The following PCSK6 variants were observed in gnomAD, a reference collection of about 807,000 sequenced individuals.
PCSK6 encodes the protein paired basic amino acid cleaving enzyme 4.
PCSK6 carries 85 observed loss-of-function variants against 123.3 expected under a neutral mutation model. That is an observed-to-expected ratio of 0.69 (90% CI 0.58 to 0.83). The LOEUF is 0.83. Among genes scored for constraint, PCSK6 ranks in the 40% least tolerant of loss-of-function variants. The pLI is 0.00. For missense variants in PCSK6, 1,191 were observed against 1,282.3 expected, an observed-to-expected ratio of 0.93 and a Z score of 1.09; for synonymous variants, 508 against 516.0, an observed-to-expected ratio of 0.98 and a Z score of 0.21.
chr15:101,431,875 AGT>A (rs1225554975), intron 3 of PCSK6, 113 bp downstream of exon 3: 1 of 774,856 alleles, frequency 1.3e-6, no homozygotes, highest in African/African-American at 1.7e-5. Flanking sequence ...CTCAAGGTGA[AGT>A]GTGTCTGTCT....
Position 101,370,460 on chromosome 15 carries a change from C to A in PCSK6, c.1596G>T (p.Ser532=). The A allele has an allele frequency of 1.3e-6, 2 of 1,550,428 alleles. No homozygotes were observed. The highest frequency in any genetic ancestry group is 8.7e-7 in the Non-Finnish European group (1 of 1,146,220). ...TALTSACAEH[S]DQRVVYLEHV... is the part of the protein sequence containing the mutation. The stretch of plus-strand genomic sequence containing the variant: ...GCTCCAAGTAGACCACCCGCTGGTC[C>A]GAGTGCTCCGCGCAGGCGCTGGTCA... The change falls in exon 12 of 22, where the codon TCG becomes TCT. Residue 532 remains serine, a synonymous_variant. Transcript: ENST00000611716.
chr15:101,457,844 C>G (rs1011175326), intron 1 of PCSK6, among the ~76,000 whole-genome samples: 3 of 152,224 alleles, frequency 2.0e-5, no homozygotes, highest in African/African-American at 4.8e-5. Flanking sequence ...TAAAATGAGC[C>G]TGCGCTATCT....
At chr15:101,461,123 T>C (rs866427171) in intron 1 of PCSK6, among the ~76,000 whole-genome samples, 2 of 151,926 alleles carry the variant, frequency 1.3e-5, no homozygotes, top group South Asian at 4.2e-4. Flanking sequence ...ATGGCACCAC[T>C]GATAAAGAAA....
At chr15:101,405,845 C>T (rs111944715) in intron 6 of PCSK6, among the ~76,000 whole-genome samples, 8 of 152,104 alleles carry the variant, frequency 5.3e-5, no homozygotes, top group South Asian at 2.1e-4. Context: ...CAGGTTCGAG[C>T]GATTCTCCTG....
At chr15:101,366,844 T>C (rs951439553) in intron 12 of PCSK6, among the ~76,000 whole-genome samples, 17 of 152,168 alleles carry the variant, frequency 1.1e-4, no homozygotes, top group African/African-American at 4.1e-4. Flanking sequence ...GAATGAAACT[T>C]CCATGTTTGA....
chr15:101,434,436 A>G (rs1429198309), intron 2 of PCSK6, among the ~76,000 whole-genome samples: 1 of 152,180 alleles, frequency 6.6e-6, no homozygotes, highest in African/African-American at 2.4e-5. Flanking sequence ...CAGCTGGGAG[A>G]TGTGGGAAAG....
intron 6 of PCSK6, among the ~76,000 whole-genome samples, chr15:101,408,958 G>A (rs2042858497): frequency 6.6e-6 from 1 of 152,182 alleles, no homozygotes; most frequent in Admixed American, 6.5e-5. Flanking sequence ...GAATCTGGTC[G>A]CTGCCGTTTA....
chr15:101,366,344 G>C lies in PCSK6; in HGVS notation c.1722-12C>G, dbSNP rs2041389350. The C allele has an allele frequency of 3.7e-6, 6 of 1,608,908 alleles. No homozygotes were observed. The highest frequency in any genetic ancestry group is 5.1e-6 in the Non-Finnish European group (6 of 1,177,598). ...AAAGATCCAGCAACCTGCAATTGGAGGTGTGGTGTCAGAAATGAAGGTGCT... is the reference window on the plus strand; with the variant it reads ...AAAGATCCAGCAACCTGCAATTGGACGTGTGGTGTCAGAAATGAAGGTGCT... On this transcript the variant is annotated splice_polypyrimidine_tract_variant and intron_variant, in intron 12 of 21. Transcript: ENST00000611716.
intron 7 of PCSK6, among the ~76,000 whole-genome samples, chr15:101,394,672 C>T (rs576260823): frequency 7.2e-5 from 11 of 152,306 alleles, no homozygotes; most frequent in East Asian, 1.9e-4. Flanking sequence ...CTGCAATCCC[C>T]GTAGAGCCAA....
intron 1 of PCSK6, among the ~76,000 whole-genome samples, chr15:101,481,381 C>T (rs1381504950): frequency 6.6e-6 from 1 of 150,622 alleles, no homozygotes. Context: ...GAGGGGCGAA[C>T]CTGGTGACGG....
intron 13 of PCSK6, among the ~76,000 whole-genome samples, chr15:101,354,375 A>G (rs2040981648): frequency 6.6e-6 from 1 of 152,110 alleles, no homozygotes; most frequent in African/African-American, 2.4e-5. Flanking sequence ...CCAAGCACAC[A>G]CTCCCATACA....
intron 6 of PCSK6, among the ~76,000 whole-genome samples, chr15:101,417,498 C>T (rs769949399): frequency 1.3e-5 from 2 of 152,108 alleles, no homozygotes; most frequent in Admixed American, 6.5e-5. Context: ...AGAAAATCTA[C>T]GCAGTTGAAA....
intron 19 of PCSK6, chr15:101,313,797 T>C: frequency 2.9e-6 from 1 of 344,928 alleles, no homozygotes; most frequent in Non-Finnish European, 5.3e-6. Flanking sequence ...CCAACAGGCC[T>C]AGGCCCACCT....
intron 13 of PCSK6, among the ~76,000 whole-genome samples, chr15:101,342,536 T>A (rs2040637915): frequency 6.6e-6 from 1 of 152,258 alleles, no homozygotes; most frequent in Admixed American, 6.5e-5. Context: ...AATTTTTGTA[T>A]TTATGTTCTT....
chr15:101,388,740 C>A lies in PCSK6; in HGVS notation c.1310+724G>T, dbSNP rs183685653. On this transcript the variant is annotated intron_variant, in intron 9 of 21. Coordinates refer to ENST00000611716, the MANE Select transcript of PCSK6 (RefSeq NM_002570.5). Reference sequence around the variant, plus strand: ...TAAAAAAAGGAAGGAAATTTTGATACGTTCTACAAACGGGTGAACCTTAAA... The same window carrying A: ...TAAAAAAAGGAAGGAAATTTTGATAAGTTCTACAAACGGGTGAACCTTAAA... 2.6e-5 allele frequency among the ~76,000 whole-genome samples: 4 copies of A among 152,262 alleles called. No individual in the cohort carries two copies. The South Asian group carries it at 8.3e-4, about 32-fold the overall frequency.
chr15:101,385,017 C>A (rs1202060385), intron 9 of PCSK6, among the ~76,000 whole-genome samples: 2 of 152,166 alleles, frequency 1.3e-5, no homozygotes, highest in African/African-American at 2.4e-5. Context: ...CATTTGCTCA[C>A]CCCTGCTTTT....
intron 1 of PCSK6, among the ~76,000 whole-genome samples, chr15:101,459,782 C>T (rs1034724875): frequency 2.6e-5 from 4 of 151,644 alleles, no homozygotes; most frequent in East Asian, 2.0e-4. Context: ...TCCATCCATG[C>T]GCCTGCCACC....
intron 1 of PCSK6, among the ~76,000 whole-genome samples, chr15:101,487,368 A>C (rs2058043475): frequency 1.3e-5 from 2 of 152,262 alleles, no homozygotes; most frequent in Non-Finnish European, 2.9e-5. Flanking sequence ...TTAACTCCCC[A>C]GAATATCCTG....
At chr15:101,446,866 T>G (rs552501184) in intron 1 of PCSK6, among the ~76,000 whole-genome samples, 16 of 151,536 alleles carry the variant, frequency 1.1e-4, no homozygotes, top group Middle Eastern at 3.4e-3. Context: ...CCATAAACCT[T>G]GTCAGATGCT....
Sources: gnomAD v4.1 joint callset for allele counts (sites outside exome capture counted in the v4.1 genomes callset) on GRCh38, gnomAD v4.1.1 for gene constraint, MANE v1.5 for transcripts, NCBI Gene and HGNC (gene_info 2026-07-23, HGNC 2026-07-21) for gene names.